RTN4IP1: variants seen among roughly 807,000 people sequenced by gnomAD.
The protein encoded by RTN4IP1 is reticulon 4 interacting protein 1, also known as NAD(P)H oxidoreductase RTN4IP1, mitochondrial.
RTN4IP1 carries 32 observed loss-of-function variants against 46.6 expected under a neutral mutation model. The ratio of observed to expected loss-of-function variants is 0.69; its 90% confidence interval spans 0.52 to 0.92. The LOEUF (loss-of-function observed/expected upper bound fraction) is 0.92, where lower values mean the gene tolerates loss of function less well. RTN4IP1 is among the 40% of genes least tolerant of loss of function. The probability of loss-of-function intolerance (pLI) is 0.00; values close to 1 mark genes in which losing one functional copy is unlikely to be tolerated. For synonymous variants in RTN4IP1, 167 were observed against 161.8 expected, an observed-to-expected ratio of 1.03 and a Z score of -0.24; for missense variants, 424 against 485.8, an observed-to-expected ratio of 0.87 and a Z score of 1.20.
intron 4 of RTN4IP1, among the ~76,000 whole-genome samples, chr6:106,611,930 G>A (rs574681158): frequency 4.6e-5 from 7 of 152,164 alleles, no homozygotes; most frequent in Non-Finnish European, 7.3e-5. Flanking sequence ...CATAATCGAC[G>A]AAGAACTTTA....
intron 4 of RTN4IP1, among the ~76,000 whole-genome samples, chr6:106,605,055 C>T (rs1165180264): frequency 1.3e-5 from 2 of 152,184 alleles, no homozygotes; most frequent in African/African-American, 4.8e-5. Flanking sequence ...AGCCTGCCAT[C>T]CACACCAGCA....
At chr6:106,596,257 T>C (rs1232571219) in intron 5 of RTN4IP1, among the ~76,000 whole-genome samples, 1 of 152,230 alleles carries the variant, frequency 6.6e-6, no homozygotes, top group Non-Finnish European at 1.5e-5. Flanking sequence ...GTGATGGCTT[T>C]ACATACACAC....
At chr6:106,614,161 T>C (rs895036391) in intron 4 of RTN4IP1, among the ~76,000 whole-genome samples, 5 of 152,250 alleles carry the variant, frequency 3.3e-5, no homozygotes, top group Admixed American at 3.3e-4. Context: ...TATTTTGGGT[T>C]CACAAATCTT....
At chr6:106,587,919 T>C (rs996411455) in intron 6 of RTN4IP1, 57 bp from the exon 7 acceptor site, 4 of 1,453,992 alleles carry the variant, frequency 2.8e-6, no homozygotes, top group Non-Finnish European at 3.7e-6. Context: ...TGGACTCTGA[T>C]CCTCCTTCCC....
At chr6:106,601,605 TTTTTTG>T (rs537648569) in intron 5 of RTN4IP1, among the ~76,000 whole-genome samples, 116 of 152,102 alleles carry the variant, frequency 7.6e-4, no homozygotes, top group African/African-American at 2.6e-3. Flanking sequence ...CCATTTTGAG[TTTTTTG>T]TTTTTGTTTT....
chr6:106,612,282 G>A (rs1436815253), intron 4 of RTN4IP1, among the ~76,000 whole-genome samples: 2 of 151,254 alleles, frequency 1.3e-5, no homozygotes, highest in African/African-American at 2.4e-5. Context: ...AGCTACTCGG[G>A]AGGCTGATGC....
At chr6:106,599,126 T>A (rs1381933223) in intron 5 of RTN4IP1, among the ~76,000 whole-genome samples, 2 of 152,038 alleles carry the variant, frequency 1.3e-5, no homozygotes, top group Non-Finnish European at 2.9e-5. Flanking sequence ...TAGGCATGTA[T>A]TCTGATGTGC....
intron 6 of RTN4IP1, among the ~76,000 whole-genome samples, chr6:106,589,324 A>AGAAGAG (rs1410022583): frequency 6.8e-6 from 1 of 147,126 alleles, no homozygotes; most frequent in South Asian, 2.3e-4. Context: ...AGGAAGAGGA[A>AGAAGAG]GAAGAGGAAG....
intron 8 of RTN4IP1, among the ~76,000 whole-genome samples, chr6:106,582,445 G>A (rs558681259): frequency 6.6e-6 from 1 of 152,190 alleles, no homozygotes; most frequent in Non-Finnish European, 1.5e-5. Context: ...CTGAAAGGTG[G>A]AGAGGGAAAA....
chr6:106,606,462 T>A (rs778494899), intron 4 of RTN4IP1, among the ~76,000 whole-genome samples: 10 of 151,914 alleles, frequency 6.6e-5, no homozygotes, highest in Non-Finnish European at 1.2e-4. Flanking sequence ...AATAAAAATT[T>A]AAAAATCAGT....
chr6:106,577,146 T>A (rs551325590), intron 8 of RTN4IP1, among the ~76,000 whole-genome samples: 4 of 152,194 alleles, frequency 2.6e-5, no homozygotes, highest in African/African-American at 7.2e-5. Flanking sequence ...TTCAAAAATA[T>A]CTTCCTGGCC....
intron 4 of RTN4IP1, among the ~76,000 whole-genome samples, chr6:106,616,466 A>G (rs1236785747): frequency 6.6e-6 from 1 of 152,056 alleles, no homozygotes; most frequent in Non-Finnish European, 1.5e-5. Context: ...GTCATTGTTA[A>G]TTTTGTTTTT....
intron 4 of RTN4IP1, among the ~76,000 whole-genome samples, chr6:106,615,123 C>T (rs1158136413): frequency 1.3e-5 from 2 of 152,042 alleles, no homozygotes; most frequent in Non-Finnish European, 2.9e-5. Context: ...CTTCCCCTTA[C>T]CCCCCTAACA....
chr6:106,602,797 G>T, intron 5 of RTN4IP1, 77 bp downstream of exon 5: 1 of 990,542 alleles, frequency 1.0e-6, no homozygotes, highest in South Asian at 1.7e-5. Flanking sequence ...CAGCTTTTAA[G>T]GAGAAATAAT....
intron 7 of RTN4IP1, among the ~76,000 whole-genome samples, chr6:106,587,240 T>G (rs1775509131): frequency 6.6e-6 from 1 of 152,190 alleles, no homozygotes; most frequent in African/African-American, 2.4e-5. Context: ...CTTTAAGTGT[T>G]AAGACATGAA....
At chr6:106,603,881 G>A (rs1776000851) in intron 4 of RTN4IP1, among the ~76,000 whole-genome samples, 1 of 152,028 alleles carries the variant, frequency 6.6e-6, no homozygotes, top group Non-Finnish European at 1.5e-5. Flanking sequence ...TGAGGCTGAG[G>A]GACATTATAA....
Position 106,629,294 on chromosome 6 carries a change from TAA to T in RTN4IP1, c.-275_-274del, listed in dbSNP as rs199600007. 2.2e-5 allele frequency: 9 copies of T among 406,178 alleles called. No individual in the cohort carries two copies. The highest frequency in any genetic ancestry group is 1.2e-4 in the Admixed American group (3 of 24,520). 25.2% of individuals were successfully genotyped at this position (406,178 alleles called of 1,614,324 possible). On this transcript the variant is annotated 5_prime_UTR_variant, in exon 1 of 9. The change abolishes the stop of an existing upstream ORF in the 5' untranslated region. Coordinates refer to ENST00000369063, the MANE Select transcript of RTN4IP1 (RefSeq NM_032730.5). Reference sequence around the variant, plus strand: ...TCCCTCACTTTCACCCCCTCCACTTTAAAAAAAAAAGGGGGGGCGGGGCATTA... The same window carrying T: ...TCCCTCACTTTCACCCCCTCCACTTTAAAAAAAAGGGGGGGCGGGGCATTA...
intron 6 of RTN4IP1, among the ~76,000 whole-genome samples, chr6:106,588,674 C>T (rs1775544695): frequency 6.6e-6 from 1 of 152,212 alleles, no homozygotes; most frequent in African/African-American, 2.4e-5. Context: ...AGAATACATG[C>T]AAATAAACTG....
intron 1 of RTN4IP1, among the ~76,000 whole-genome samples, chr6:106,626,664 A>G (rs986700868): frequency 1.3e-5 from 2 of 152,158 alleles, no homozygotes; most frequent in African/African-American, 4.8e-5. Context: ...AAGCCCCTGA[A>G]CCCAGAATGT....
Sources: gnomAD v4.1 joint callset for allele counts (sites outside exome capture counted in the v4.1 genomes callset) on GRCh38, gnomAD v4.1.1 for gene constraint, MANE v1.5 for transcripts, NCBI Gene and HGNC (gene_info 2026-07-23, HGNC 2026-07-21) for gene names.